Variants in CDC27 observed in about 807,000 individuals in gnomAD.
CDC27 encodes the protein cell division cycle protein 27 homolog.
CDC27 carries 27 observed loss-of-function variants against 109.7 expected under a neutral mutation model. The ratio of observed to expected loss-of-function variants is 0.25; its 90% CI spans 0.18 to 0.34. CDC27 has a LOEUF of 0.34. CDC27 is among the 10% of genes least tolerant of loss of function. The probability of loss-of-function intolerance (pLI) is 1.00; values close to 1 mark genes in which losing one functional copy is unlikely to be tolerated. For synonymous variants in CDC27, 266 were observed against 333.9 expected (o/e 0.80, Z 2.22); for missense variants, 579 against 960.2 (o/e 0.60, Z 5.25).
At chr17:47,153,073 T>C (rs1482677920) in intron 8 of CDC27, among the ~76,000 whole-genome samples, 3 of 152,236 alleles carry the variant, frequency 2.0e-5, no homozygotes, top group Admixed American at 1.3e-4. Context: ...CTTTTCCAAA[T>C]TGGGATCACT....
intron 15 of CDC27, among the ~76,000 whole-genome samples, chr17:47,130,160 G>A (rs2148816223): frequency 6.6e-6 from 1 of 152,262 alleles, no homozygotes; most frequent in Non-Finnish European, 1.5e-5. Context: ...AGGAGATCGA[G>A]ACCATCCTGG....
At chr17:47,178,432 G>A (rs1033317151) in intron 2 of CDC27, among the ~76,000 whole-genome samples, 4 of 151,570 alleles carry the variant, frequency 2.6e-5, no homozygotes, top group Non-Finnish European at 5.9e-5. Flanking sequence ...CTAGTAGGGA[G>A]GTTGAGGTGG....
intron 17 of CDC27, 112 bp downstream of exon 17, chr17:47,123,774 C>G: frequency 3.0e-6 from 2 of 657,660 alleles, no homozygotes; most frequent in Non-Finnish European, 4.8e-6. Flanking sequence ...CAGTTCGGAG[C>G]TTTAGTTTAA....
intron 15 of CDC27, among the ~76,000 whole-genome samples, chr17:47,129,781 C>G (rs11570554): frequency 0.016 from 2,442 of 152,146 alleles, 50 homozygotes; most frequent in African/African-American, 0.056. Flanking sequence ...AAATAATTTG[C>G]TCTGTGATAA....
At position 47,154,801 on chromosome 17, in the gene CDC27, AAAT is replaced by A. The variant is rs773027111; in HGVS notation, c.843-18_843-16del. On this transcript the variant is annotated splice_polypyrimidine_tract_variant and intron_variant, in intron 7 of 18. Coordinates refer to ENST00000066544, the MANE Select transcript of CDC27 (RefSeq NM_001256.6). ...AAATCCCAAAACTGAGAAGAGGTTG[AAAT>A]CAAGGTGTCAAAAAGTCATCAAGGC... The A allele has an allele frequency of 7.5e-7, 1 of 1,326,996 alleles. No homozygotes were observed. The highest frequency in any genetic ancestry group is 1.1e-6 in the Non-Finnish European group (1 of 922,760). 82.2% of individuals were successfully genotyped at this position (1,326,996 alleles called of 1,614,324 possible).
intron 9 of CDC27, among the ~76,000 whole-genome samples, chr17:47,145,592 G>A (rs1014998045): frequency 2.0e-5 from 3 of 152,220 alleles, no homozygotes; most frequent in Admixed American, 6.5e-5. Flanking sequence ...CTGGATGGGT[G>A]CTGGCTGTGC....
chr17:47,123,769 C>T (rs1003405441), intron 17 of CDC27, 117 bp downstream of exon 17: 18 of 621,892 alleles, frequency 2.9e-5, no homozygotes, highest in Non-Finnish European at 4.3e-5. Context: ...GCACTCAGTT[C>T]GGAGCTTTAG....
At chr17:47,128,118 C>T (rs2062203981) in intron 16 of CDC27, among the ~76,000 whole-genome samples, 1 of 152,126 alleles carries the variant, frequency 6.6e-6, no homozygotes, top group Admixed American at 6.5e-5. Flanking sequence ...GCAACCTCTG[C>T]CTCCTGGGTT....
At chr17:47,169,501 T>G (rs2063747325) in intron 4 of CDC27, among the ~76,000 whole-genome samples, 1 of 151,670 alleles carries the variant, frequency 6.6e-6, no homozygotes, top group Admixed American at 6.6e-5. Flanking sequence ...AAAAATTAGC[T>G]GGGCGTGGTG....
At chr17:47,154,363 GTTT>G (rs1438218843) in intron 8 of CDC27, among the ~76,000 whole-genome samples, 1 of 151,664 alleles carries the variant, frequency 6.6e-6, no homozygotes, top group Non-Finnish European at 1.5e-5. Flanking sequence ...TATTAATTTT[GTTT>G]TTTAAAAAGG....
At chr17:47,140,072 AAAT>A (rs1456371634) in intron 12 of CDC27, 2 of 152,246 alleles carry the variant, frequency 1.3e-5, no homozygotes, top group Non-Finnish European at 2.9e-5. Flanking sequence ...GTATGACAGA[AAAT>A]AAGAGCATTT....
intron 1 of CDC27, among the ~76,000 whole-genome samples, chr17:47,181,848 A>G (rs1598611232): frequency 6.6e-6 from 1 of 152,266 alleles, no homozygotes; most frequent in South Asian, 2.1e-4. Flanking sequence ...TCAACTCTCT[A>G]TGGACTTTTA....
intron 4 of CDC27, among the ~76,000 whole-genome samples, chr17:47,163,349 G>A (rs901039178): frequency 2.0e-5 from 3 of 152,202 alleles, no homozygotes; most frequent in African/African-American, 7.2e-5. Context: ...GAAAAGCCAG[G>A]ATTGGGGTAG....
In CDC27 at chr17:47,120,810, C is replaced by T. The variant is rs1401207166; in HGVS notation, c.*125G>A. 3 of 665,222 alleles carry T rather than the reference C, an allele frequency of 4.5e-6. No individual in the cohort carries two copies. The highest frequency in any genetic ancestry group is 8.0e-6 in the Non-Finnish European group (3 of 372,732). The allele number at this position is 665,222 out of a possible 1,614,324, so 41.2% of individuals were successfully genotyped here. ...CAGTCAGGGTCCAATGAAAGTGGCA[C>T]ACTCATGGTATAAGTGACGGACGAT... On this transcript the variant is annotated 3_prime_UTR_variant, in exon 19 of 19. Transcript: ENST00000066544.
intron 1 of CDC27, among the ~76,000 whole-genome samples, chr17:47,182,618 C>T (rs1002820158): frequency 1.7e-4 from 26 of 152,260 alleles, no homozygotes; most frequent in Admixed American, 3.9e-4. Flanking sequence ...CATTCTGCTA[C>T]GATTTGCTTT....
At chr17:47,164,583 G>A (rs1209152974) in intron 4 of CDC27, among the ~76,000 whole-genome samples, 1 of 152,186 alleles carries the variant, frequency 6.6e-6, no homozygotes, top group African/African-American at 2.4e-5. Flanking sequence ...TCGGGAGGCC[G>A]AGGCAGGTGG....
intron 7 of CDC27, among the ~76,000 whole-genome samples, chr17:47,155,183 T>A (rs2063265193): frequency 6.6e-6 from 1 of 152,200 alleles, no homozygotes. Flanking sequence ...TGTAATCTCA[T>A]GGTCATGCTA....
intron 15 of CDC27, among the ~76,000 whole-genome samples, 178 bp from the exon 16 acceptor site, chr17:47,129,699 A>T (rs1360323389): frequency 6.6e-6 from 1 of 152,246 alleles, no homozygotes; most frequent in Non-Finnish European, 1.5e-5. Flanking sequence ...TTAATAGATT[A>T]TCTCTAAAAT....
At chr17:47,167,670 A>G (rs1470779243) in intron 4 of CDC27, among the ~76,000 whole-genome samples, 2 of 152,216 alleles carry the variant, frequency 1.3e-5, no homozygotes, top group African/African-American at 4.8e-5. Context: ...AACAGTAACA[A>G]TCATCAATAC....
Sources: gnomAD v4.1 joint callset for allele counts (sites outside exome capture counted in the v4.1 genomes callset) on GRCh38, gnomAD v4.1.1 for gene constraint, MANE v1.5 for transcripts, NCBI Gene and HGNC (gene_info 2026-07-23, HGNC 2026-07-21) for gene names.